SLC44A5: variants seen among roughly 807,000 people sequenced by gnomAD.
SLC44A5 encodes the protein choline transporter-like protein 5.
In SLC44A5, 57 loss-of-function variants were observed where a neutral mutation model predicts 101.8. The observed-to-expected ratio is 0.56, with a 90% CI of 0.45 to 0.70. The LOEUF is 0.70. SLC44A5 is among the 30% of genes least tolerant of loss of function. The pLI is 0.00. For synonymous variants in SLC44A5, 281 were observed against 290.9 expected (o/e 0.97, Z 0.35); for missense variants, 737 against 853.1 (o/e 0.86, Z 1.70).
intron 3 of SLC44A5, among the ~76,000 whole-genome samples, chr1:75,345,419 G>A (rs960895365): frequency 2.0e-5 from 3 of 151,868 alleles, no homozygotes; most frequent in Non-Finnish European, 4.4e-5. Context: ...GATAATGGAG[G>A]GAAAAAAAGT....
At position 75,280,126 on chromosome 1, in the gene SLC44A5, G is replaced by C. The variant is rs1395706427; in HGVS notation, c.176-5084C>G. On this transcript the variant is annotated intron_variant, in intron 5 of 23. Transcript: ENST00000370859. ...GTAGTATTCCATTGTGTGTGTGTGT[G>C]TGTGTGTATATATATATATATTGTA... is the stretch of plus-strand genomic sequence containing the variant. 2.9e-5 allele frequency among the ~76,000 whole-genome samples: 3 copies of C among 101,736 alleles called. 1 individual carries two copies. Among genetic ancestry groups the C allele is most frequent in the African/African-American group, 1.2e-4 (3 of 25,958 alleles). The allele number at this position is 101,736 out of a possible 152,430, so 66.7% of individuals were successfully genotyped here.
the SLC44A5 span, among the ~76,000 whole-genome samples, chr1:75,661,687 A>T: frequency 1.4e-3 from 206 of 152,248 alleles, no homozygotes; most frequent in African/African-American, 4.7e-3. Context: ...AAAACAAAAC[A>T]TTTGAATAGC....
chr1:75,363,713 C>T (rs1363053658), intron 3 of SLC44A5, among the ~76,000 whole-genome samples: 3 of 152,102 alleles, frequency 2.0e-5, no homozygotes. Context: ...CCACATCACC[C>T]TTACAATATC....
At chr1:75,313,839 A>G (rs1320504029) in intron 4 of SLC44A5, among the ~76,000 whole-genome samples, 1 of 152,212 alleles carries the variant, frequency 6.6e-6, no homozygotes, top group Non-Finnish European at 1.5e-5. Flanking sequence ...GCAAAAGAGA[A>G]TAAATCAGAA....
intron 3 of SLC44A5, among the ~76,000 whole-genome samples, chr1:75,372,324 C>T (rs935418297): frequency 6.6e-6 from 1 of 151,544 alleles, no homozygotes; most frequent in Non-Finnish European, 1.5e-5. Context: ...TTTACACTTA[C>T]TTTTCCCCAG....
intron 5 of SLC44A5, among the ~76,000 whole-genome samples, chr1:75,290,044 G>A (rs1477889840): frequency 6.6e-6 from 1 of 152,228 alleles, no homozygotes; most frequent in Non-Finnish European, 1.5e-5. Context: ...CAATGATTTT[G>A]TAATAAAGTA....
At chr1:75,276,891 C>T (rs59038269) in intron 5 of SLC44A5, among the ~76,000 whole-genome samples, 4,675 of 152,206 alleles carry the variant, frequency 0.031, 245 homozygotes, top group African/African-American at 0.11. Context: ...TCTGCAGAGC[C>T]GTGTGGAACA....
chr1:75,638,364 T>C, the SLC44A5 span, among the ~76,000 whole-genome samples: 481 of 152,180 alleles, frequency 3.2e-3, 3 homozygotes, highest in Non-Finnish European at 4.5e-3. Context: ...CTGAAATGTA[T>C]TTATTCTTAT....
chr1:75,712,621 A>G, the SLC44A5 span, among the ~76,000 whole-genome samples: 2 of 150,734 alleles, frequency 1.3e-5, no homozygotes, highest in East Asian at 4.0e-4. Context: ...TTTGTATGAT[A>G]TAACTTTTTA....
intron 2 of SLC44A5, among the ~76,000 whole-genome samples, chr1:75,483,521 A>G (rs906778698): frequency 3.9e-5 from 6 of 152,224 alleles, no homozygotes; most frequent in Non-Finnish European, 7.3e-5. Context: ...GAGACCCTCG[A>G]ATAAAAGAGT....
chr1:75,417,293 C>A (rs1000683403), intron 2 of SLC44A5, among the ~76,000 whole-genome samples: 4 of 152,166 alleles, frequency 2.6e-5, no homozygotes, highest in African/African-American at 9.7e-5. Context: ...TGCCTGCCAC[C>A]ATCCATGTAA....
chr1:75,352,779 T>C (rs977365097), intron 3 of SLC44A5, among the ~76,000 whole-genome samples: 2 of 152,216 alleles, frequency 1.3e-5, no homozygotes, highest in African/African-American at 4.8e-5. Flanking sequence ...ACTACGTGTA[T>C]GTGCATTAAG....
At chr1:75,598,113 A>G (rs143491938) in intron 1 of SLC44A5, among the ~76,000 whole-genome samples, 295 of 152,304 alleles carry the variant, frequency 1.9e-3, no homozygotes, top group Middle Eastern at 6.8e-3. Context: ...ACCCATAAAA[A>G]AGTAGGCAAA....
At chr1:75,389,174 T>C (rs1411274911) in intron 3 of SLC44A5, among the ~76,000 whole-genome samples, 1 of 152,198 alleles carries the variant, frequency 6.6e-6, no homozygotes, top group Middle Eastern at 3.2e-3. Context: ...AGCACTCAGA[T>C]TCATAAAACA....
intron 2 of SLC44A5, among the ~76,000 whole-genome samples, chr1:75,454,030 T>A (rs1329310722): frequency 6.6e-6 from 1 of 152,052 alleles, no homozygotes; most frequent in Non-Finnish European, 1.5e-5. Flanking sequence ...GGAGAGGGAC[T>A]CTTCCCTAAC....
At chr1:75,588,342 T>C (rs1674142140) in intron 1 of SLC44A5, among the ~76,000 whole-genome samples, 1 of 151,930 alleles carries the variant, frequency 6.6e-6, no homozygotes, top group South Asian at 2.1e-4. Flanking sequence ...GGAATGAGCA[T>C]TTATTGAATA....
At chr1:75,587,099 G>C (rs1288067390) in intron 1 of SLC44A5, among the ~76,000 whole-genome samples, 1 of 152,026 alleles carries the variant, frequency 6.6e-6, no homozygotes, top group Non-Finnish European at 1.5e-5. Context: ...AAAACATCTA[G>C]TGAATGAAAG....
At chr1:75,424,062 A>G (rs1664165302) in intron 2 of SLC44A5, among the ~76,000 whole-genome samples, 1 of 152,228 alleles carries the variant, frequency 6.6e-6, no homozygotes, top group African/African-American at 2.4e-5. Context: ...ACTACCTCAC[A>G]GAACACAGGA....
At chr1:75,392,002 G>A (rs1056930229) in intron 3 of SLC44A5, among the ~76,000 whole-genome samples, 62 of 152,100 alleles carry the variant, frequency 4.1e-4, no homozygotes, top group African/African-American at 1.4e-3. Flanking sequence ...AAAAAGCATA[G>A]AAATTAGCCA....
Sources: gnomAD v4.1 joint callset for allele counts (sites outside exome capture counted in the v4.1 genomes callset) on GRCh38, gnomAD v4.1.1 for gene constraint, MANE v1.5 for transcripts, NCBI Gene and HGNC (gene_info 2026-07-23, HGNC 2026-07-21) for gene names.